SLAMF6: variants seen among roughly 807,000 people sequenced by gnomAD.
The protein encoded by SLAMF6 is NK-T-B-antigen.
A neutral mutation model predicts 38.3 loss-of-function variants in SLAMF6; 21 were observed. The observed-to-expected ratio is 0.55, with a 90% CI of 0.39 to 0.79. The LOEUF is 0.79. SLAMF6 is among the 30% of genes least tolerant of loss of function. The pLI is 0.00. For missense variants in SLAMF6, 341 were observed against 385.3 expected (o/e 0.89, Z 0.96); for synonymous variants, 152 against 146.3 (o/e 1.04, Z -0.28).
At chr1:160,505,743 T>C (rs964794963) in intron 1 of SLAMF6, among the ~76,000 whole-genome samples, 1 of 150,848 alleles carries the variant, frequency 6.6e-6, no homozygotes, top group African/African-American at 2.4e-5. Context: ...AAGGAAACAA[T>C]GGACAAAGAA....
In SLAMF6 at chr1:160,498,312, T is replaced by G. The variant is rs542687592; in HGVS notation, c.50-1919A>C. On this transcript the variant is annotated intron_variant, in intron 1 of 7. Transcript: ENST00000368057. ...GTCATTCTGACAGAATGGCTATTAT[T>G]AAAAAGTCAAAAAAGTGTTATTTGT... Among the ~76,000 whole-genome samples the G allele has an allele frequency of 1.4e-4, 21 of 152,110 alleles. 1 individual carries two copies. The East Asian group carries it at 3.5e-3, about 25-fold the overall frequency.
intron 3 of SLAMF6, 152 bp from the exon 4 acceptor site, chr1:160,490,837 G>T: frequency 8.1e-7 from 1 of 1,235,076 alleles, no homozygotes; most frequent in Non-Finnish European, 1.1e-6. Flanking sequence ...TATGTGGCAG[G>T]CAGGGGAGGG....
chr1:160,518,544 G>A (rs112117962), intron 1 of SLAMF6, among the ~76,000 whole-genome samples: 27 of 152,136 alleles, frequency 1.8e-4, no homozygotes, highest in African/African-American at 2.7e-4. Context: ...ATGATAGACC[G>A]GATAAAGAAA....
chr1:160,486,593 G>C lies in SLAMF6; in HGVS notation c.*114C>G. The C allele has an allele frequency of 1.8e-6, 2 of 1,092,588 alleles. No homozygotes were observed. Among genetic ancestry groups the C allele is most frequent in the South Asian group, 2.6e-5 (2 of 76,324 alleles). The allele number at this position is 1,092,588 out of a possible 1,614,324, so 67.7% of individuals were successfully genotyped here. On this transcript the variant is annotated 3_prime_UTR_variant, in exon 8 of 8. Coordinates refer to ENST00000368057, the MANE Select transcript of SLAMF6 (RefSeq NM_001184714.2). ...GACTGGAGGTGATCATCCTATCCTA[G>C]ATATTCAAATTCTGTTGCCAGGAAC...
chr1:160,511,650 T>C (rs1434451107), intron 1 of SLAMF6, among the ~76,000 whole-genome samples: 2 of 152,152 alleles, frequency 1.3e-5, no homozygotes, highest in African/African-American at 4.8e-5. Flanking sequence ...TGATTTTTGA[T>C]TTGGGAATGG....
Position 160,512,217 on chromosome 1 carries a change from G to A in SLAMF6, c.49+10927C>T, listed in dbSNP as rs150233851. 5.8e-4 allele frequency among the ~76,000 whole-genome samples: 89 copies of A among 152,316 alleles called. 1 individual carries two copies. Among genetic ancestry groups the A allele is most frequent in the African/African-American group, 1.9e-3 (81 of 41,580 alleles). On this transcript the variant is annotated intron_variant, in intron 1 of 7. Coordinates refer to ENST00000368057, the MANE Select transcript of SLAMF6 (RefSeq NM_001184714.2). ...TTTGGAACCAGGAGGAATTCCCCAT[G>A]GTGCAGCACAGCAGCTGTGGCAGAC...
At position 160,521,574 on chromosome 1, in the gene SLAMF6, T is replaced by G. The variant is rs1019578245; in HGVS notation, c.49+1570A>C. Among the ~76,000 whole-genome samples, 5 of 152,128 alleles carry G rather than the reference T, an allele frequency of 3.3e-5. No individual in the cohort carries two copies. The East Asian group carries it at 7.7e-4, about 23-fold the overall frequency. On this transcript the variant is annotated intron_variant, in intron 1 of 7. Transcript: ENST00000368057. The stretch of plus-strand genomic sequence containing the variant: ...GGAAAGAATTCTCTCTCTTTCTGCA[T>G]TTTATATATATTTCCCAAAGTTCTG...
In SLAMF6 at chr1:160,491,108, C is replaced by A. The variant is rs372007320; in HGVS notation, c.646+17G>T. ...CCATAGCTGCTCAAGGCTCTCAGAC[C>A]TGAGGCAGGCTGTTACCTTCGCAAA... On this transcript the variant is annotated intron_variant, in intron 3 of 7. Coordinates refer to ENST00000368057, the MANE Select transcript of SLAMF6 (RefSeq NM_001184714.2). 10 of 1,612,414 alleles carry A rather than the reference C, an allele frequency of 6.2e-6. No homozygotes were observed. The highest frequency in any genetic ancestry group is 8.5e-6 in the Non-Finnish European group (10 of 1,179,570).
At chr1:160,513,817 G>A (rs949640452) in intron 1 of SLAMF6, among the ~76,000 whole-genome samples, 3 of 152,144 alleles carry the variant, frequency 2.0e-5, no homozygotes, top group African/African-American at 7.2e-5. Context: ...AATGCTGAGG[G>A]AATTCATCCA....
chr1:160,494,121 G>A (rs1653443992), intron 2 of SLAMF6, among the ~76,000 whole-genome samples: 1 of 152,146 alleles, frequency 6.6e-6, no homozygotes, highest in Admixed American at 6.6e-5. Context: ...CATACCAAGA[G>A]ATTGATCAAT....
At chr1:160,489,750 C>T (rs984642385) in intron 5 of SLAMF6, among the ~76,000 whole-genome samples, 2 of 152,188 alleles carry the variant, frequency 1.3e-5, no homozygotes, top group African/African-American at 2.4e-5. Context: ...CAAAGCCAAT[C>T]TGAGTCCAGA....
chr1:160,489,765 G>C (rs1350837815), intron 5 of SLAMF6, among the ~76,000 whole-genome samples: 4 of 152,180 alleles, frequency 2.6e-5, no homozygotes, highest in Non-Finnish European at 4.4e-5. Flanking sequence ...TCCAGAGCCT[G>C]TGTTTGTGTT....
intron 2 of SLAMF6, among the ~76,000 whole-genome samples, chr1:160,495,265 A>G (rs1283894671): frequency 6.6e-6 from 1 of 152,152 alleles, no homozygotes; most frequent in Non-Finnish European, 1.5e-5. Context: ...TGCCAATTTA[A>G]TGCTTGAATC....
intron 6 of SLAMF6, among the ~76,000 whole-genome samples, chr1:160,488,109 A>C (rs545941865): frequency 2.0e-5 from 3 of 151,752 alleles, no homozygotes; most frequent in African/African-American, 7.2e-5. Flanking sequence ...AAAAAAACCA[A>C]AAAACAAAAA....
chr1:160,498,241 A>T (rs1396475534), intron 1 of SLAMF6, among the ~76,000 whole-genome samples: 2 of 152,126 alleles, frequency 1.3e-5, no homozygotes, highest in African/African-American at 4.8e-5. Context: ...ACAAAAATAC[A>T]AAAAAGTGTA....
In SLAMF6 at chr1:160,517,171, A is replaced by G. The variant is rs146002724; in HGVS notation, c.49+5973T>C. The stretch of plus-strand genomic sequence containing the variant: ...ACTCAAACAAATTTACAAGAAAAAA[A>G]TCAAACAACCCCATTAAAAGGCGAG... On this transcript the variant is annotated intron_variant, in intron 1 of 7. Coordinates refer to ENST00000368057, the MANE Select transcript of SLAMF6 (RefSeq NM_001184714.2). 8.6e-4 allele frequency among the ~76,000 whole-genome samples: 131 copies of G among 152,262 alleles called. 3 individuals are homozygous for G. The East Asian group carries it at 0.023, about 27-fold the overall frequency.
At chr1:160,494,158 T>C (rs1653445029) in intron 2 of SLAMF6, among the ~76,000 whole-genome samples, 1 of 152,182 alleles carries the variant, frequency 6.6e-6, no homozygotes, top group African/African-American at 2.4e-5. Context: ...ATATAACTTA[T>C]ACCTTGAAAT....
intron 3 of SLAMF6, among the ~76,000 whole-genome samples, 192 bp from the exon 4 acceptor site, chr1:160,490,877 C>T (rs1306855927): frequency 6.6e-6 from 1 of 151,976 alleles, no homozygotes; most frequent in Non-Finnish European, 1.5e-5. Context: ...GGAGAGAAAG[C>T]AATCCTACAT....
intron 4 of SLAMF6, 22 bp from the exon 5 acceptor site, chr1:160,490,258 T>TCC (rs745723534): frequency 6.2e-7 from 1 of 1,612,942 alleles, no homozygotes; most frequent in South Asian, 1.1e-5. Context: ...AACCAGAAAA[T>TCC]TGAAATGTGT....
Sources: gnomAD v4.1 joint callset for allele counts (sites outside exome capture counted in the v4.1 genomes callset) on GRCh38, gnomAD v4.1.1 for gene constraint, MANE v1.5 for transcripts, NCBI Gene and HGNC (gene_info 2026-07-23, HGNC 2026-07-21) for gene names.